The following NLGN1 variants were observed in gnomAD, a reference collection of about 807,000 sequenced individuals.
NLGN1 encodes the protein neuroligin 1.
In NLGN1, 12 loss-of-function variants were observed where a neutral mutation model predicts 65.5. The observed-to-expected ratio is 0.18, with a 90% confidence interval of 0.12 to 0.30. The LOEUF (loss-of-function observed/expected upper bound fraction) is 0.30, where lower values mean the gene tolerates loss of function less well. Among genes scored for constraint, NLGN1 ranks in the 10% least tolerant of loss-of-function variants. The pLI is 1.00. For missense variants in NLGN1, 750 were observed against 1,007.1 expected, an observed-to-expected ratio of 0.74 and a Z score of 3.46; for synonymous variants, 350 against 359.5, an observed-to-expected ratio of 0.97 and a Z score of 0.30.
intron 3 of NLGN1, among the ~76,000 whole-genome samples, chr3:173,783,536 T>C (rs559965959): frequency 1.3e-5 from 2 of 152,352 alleles, no homozygotes; most frequent in African/African-American, 4.8e-5. Flanking sequence ...ATTAGCGCCA[T>C]AGGCCACTCA....
chr3:173,843,798 A>G (rs1725246764), intron 4 of NLGN1, among the ~76,000 whole-genome samples: 1 of 152,012 alleles, frequency 6.6e-6, no homozygotes, highest in South Asian at 2.1e-4. Context: ...GAGCTCTCCA[A>G]ACTGTTCCAA....
intron 3 of NLGN1, among the ~76,000 whole-genome samples, chr3:173,668,223 G>A (rs1348189746): frequency 6.6e-6 from 1 of 152,158 alleles, no homozygotes; most frequent in Non-Finnish European, 1.5e-5. Context: ...AGACTTCACA[G>A]AAGAAGAGAC....
chr3:173,926,581 C>T (rs1391260925), intron 4 of NLGN1, among the ~76,000 whole-genome samples: 1 of 152,198 alleles, frequency 6.6e-6, no homozygotes, highest in East Asian at 1.9e-4. Flanking sequence ...ATTCTCTCCA[C>T]TTTACAATGT....
chr3:173,613,817 C>G (rs912764297), intron 3 of NLGN1, among the ~76,000 whole-genome samples: 1 of 151,890 alleles, frequency 6.6e-6, no homozygotes, highest in African/African-American at 2.4e-5. Flanking sequence ...TTGCAAAAAT[C>G]AGATTTAAGC....
intron 4 of NLGN1, among the ~76,000 whole-genome samples, chr3:173,981,541 T>C (rs1167737708): frequency 1.3e-5 from 2 of 152,178 alleles, no homozygotes; most frequent in African/African-American, 4.8e-5. Context: ...TCCCATTTTA[T>C]CTGGTACATT....
At chr3:173,768,053 AT>A (rs1235992346) in intron 3 of NLGN1, among the ~76,000 whole-genome samples, 6 of 152,002 alleles carry the variant, frequency 3.9e-5, no homozygotes, top group African/African-American at 1.2e-4. Flanking sequence ...ATTGATTTCT[AT>A]TTTTTTCTAC....
At chr3:174,274,260 T>C (rs1017803786) in intron 4 of NLGN1, among the ~76,000 whole-genome samples, 8 of 151,690 alleles carry the variant, frequency 5.3e-5, no homozygotes, top group Admixed American at 5.3e-4. Context: ...TGCAAAAATA[T>C]ATTAGAGAAT....
intron 3 of NLGN1, among the ~76,000 whole-genome samples, chr3:173,619,118 C>G (rs1753597862): frequency 6.6e-6 from 1 of 152,068 alleles, no homozygotes; most frequent in South Asian, 2.1e-4. Flanking sequence ...CCTGGTTTTG[C>G]TGGCATTTTC....
intron 4 of NLGN1, among the ~76,000 whole-genome samples, chr3:173,943,431 G>A (rs1292392492): frequency 1.3e-5 from 2 of 152,074 alleles, no homozygotes; most frequent in African/African-American, 4.8e-5. Context: ...CTCTCACCTA[G>A]AAAACAAGTG....
chr3:173,928,972 A>T (rs1377465958), intron 4 of NLGN1, among the ~76,000 whole-genome samples: 1 of 152,078 alleles, frequency 6.6e-6, no homozygotes, highest in Non-Finnish European at 1.5e-5. Context: ...GCCTGGCCTG[A>T]CATAGTTAAT....
At chr3:173,438,400 A>G (rs747347906) in intron 2 of NLGN1, among the ~76,000 whole-genome samples, 3 of 152,192 alleles carry the variant, frequency 2.0e-5, no homozygotes, top group Non-Finnish European at 4.4e-5. Flanking sequence ...ATACAAGGAA[A>G]AAAATGGCAG....
intron 4 of NLGN1, among the ~76,000 whole-genome samples, chr3:174,185,816 AC>A (rs1399612467): frequency 6.6e-6 from 1 of 151,574 alleles, no homozygotes; most frequent in African/African-American, 2.4e-5. Flanking sequence ...CCAAAAAAAA[AC>A]AAAAACAAAA....
At chr3:173,490,714 TC>T (rs1472486582) in intron 2 of NLGN1, among the ~76,000 whole-genome samples, 2 of 152,198 alleles carry the variant, frequency 1.3e-5, no homozygotes, top group African/African-American at 4.8e-5. Context: ...TATTGATTCT[TC>T]CTATCCATGA....
chr3:173,944,721 T>A (rs1746839829), intron 4 of NLGN1, among the ~76,000 whole-genome samples: 1 of 152,214 alleles, frequency 6.6e-6, no homozygotes, highest in Admixed American at 6.5e-5. Flanking sequence ...CCTAGCTTTT[T>A]GAGTACATCT....
At chr3:173,972,086 A>G (rs1391712514) in intron 4 of NLGN1, among the ~76,000 whole-genome samples, 1 of 152,088 alleles carries the variant, frequency 6.6e-6, no homozygotes, top group Non-Finnish European at 1.5e-5. Flanking sequence ...TAAGCATATA[A>G]CAGGACTACG....
chr3:173,544,529 A>G (rs1739438563), intron 2 of NLGN1, among the ~76,000 whole-genome samples: 1 of 152,170 alleles, frequency 6.6e-6, no homozygotes, highest in Non-Finnish European at 1.5e-5. Flanking sequence ...TACCAGTTCC[A>G]TTCCCTGAAA....
At chr3:173,745,903 A>T (rs906954776) in intron 3 of NLGN1, among the ~76,000 whole-genome samples, 1 of 152,114 alleles carries the variant, frequency 6.6e-6, no homozygotes, top group Non-Finnish European at 1.5e-5. Context: ...ACAGATAGGG[A>T]AACTGAGGCT....
chr3:174,113,888 T>A (rs1414431447), intron 4 of NLGN1, among the ~76,000 whole-genome samples: 1 of 152,160 alleles, frequency 6.6e-6, no homozygotes, highest in Admixed American at 6.6e-5. Flanking sequence ...AGAGTCTATA[T>A]CAGCTCTTTT....
chr3:173,886,237 A>G (rs1236801799), intron 4 of NLGN1, among the ~76,000 whole-genome samples: 1 of 152,110 alleles, frequency 6.6e-6, no homozygotes, highest in African/African-American at 2.4e-5. Flanking sequence ...AAGAACACTC[A>G]TGAAAAAACA....
Sources: gnomAD v4.1 joint callset for allele counts (sites outside exome capture counted in the v4.1 genomes callset) on GRCh38, gnomAD v4.1.1 for gene constraint, MANE v1.5 for transcripts, NCBI Gene and HGNC (gene_info 2026-07-23, HGNC 2026-07-21) for gene names.